Variants in ZCCHC14 observed in about 807,000 individuals in gnomAD.
ZCCHC14 encodes the protein zinc finger CCHC-type containing 14.
Under a neutral mutation model 85.0 loss-of-function variants are expected in ZCCHC14, and 16 were observed. The ratio of observed to expected loss-of-function variants is 0.19; its 90% CI spans 0.13 to 0.29. The LOEUF (loss-of-function observed/expected upper bound fraction) is 0.29. ZCCHC14 is among the 10% of genes least tolerant of loss of function. The pLI is 1.00. For missense variants in ZCCHC14, 1,303 were observed against 1,443.5 expected, an observed-to-expected ratio of 0.90 and a Z score of 1.58; for synonymous variants, 775 against 630.7, an observed-to-expected ratio of 1.23 and a Z score of -3.43.
Position 87,407,687 on chromosome 16 carries a change from A to G in ZCCHC14, c.*2593T>C, listed in dbSNP as rs1162729671. The G allele has an allele frequency of 6.6e-6, 1 of 152,260 alleles. No homozygotes were observed. The allele number at this position is 152,260 out of a possible 1,614,324, so 9.4% of individuals were successfully genotyped here. A position where few individuals can be genotyped will look rare whatever the true frequency, so the allele number is the denominator to read the frequency against. ...CCAGTGCCACACCTACCTGGTTGCC[A>G]CAGCATTCTGAAACAGACCACACTT... On this transcript the variant is annotated 3_prime_UTR_variant, in exon 13 of 13. Coordinates refer to ENST00000671377, the MANE Select transcript of ZCCHC14 (RefSeq NM_015144.3).
intron 8 of ZCCHC14, among the ~76,000 whole-genome samples, chr16:87,415,671 C>T (rs1330841988): frequency 6.6e-6 from 1 of 152,192 alleles, no homozygotes; most frequent in Non-Finnish European, 1.5e-5. Context: ...GCCAAAGGTG[C>T]CCACTTGCCC....
At chr16:87,440,854 A>T (rs1431976390) in intron 2 of ZCCHC14, among the ~76,000 whole-genome samples, 3 of 151,440 alleles carry the variant, frequency 2.0e-5, no homozygotes, top group Non-Finnish European at 2.9e-5. Flanking sequence ...GACTCAAGTG[A>T]TCTGCCTGCC....
intron 1 of ZCCHC14, among the ~76,000 whole-genome samples, chr16:87,461,871 G>A (rs1377296774): frequency 6.6e-6 from 1 of 152,236 alleles, no homozygotes; most frequent in African/African-American, 2.4e-5. Flanking sequence ...CTCCTGGGCT[G>A]TTCATGCAGG....
chr16:87,415,448 T>A, intron 8 of ZCCHC14, 81 bp from the exon 9 acceptor site: 1 of 1,240,560 alleles, frequency 8.1e-7, no homozygotes, highest in Non-Finnish European at 1.2e-6. Context: ...TTGAATTCAG[T>A]ACATTTATTC....
At chr16:87,481,398 T>C (rs1912258712) in intron 1 of ZCCHC14, among the ~76,000 whole-genome samples, 1 of 151,876 alleles carries the variant, frequency 6.6e-6, no homozygotes. Context: ...GCTGGGGCCA[T>C]GCTGGTTTCC....
At chr16:87,485,356 C>G (rs1457612796) in intron 1 of ZCCHC14, among the ~76,000 whole-genome samples, 1 of 152,204 alleles carries the variant, frequency 6.6e-6, no homozygotes, top group East Asian at 1.9e-4. Flanking sequence ...TGGATGATCT[C>G]TTTTTACCTT....
intron 3 of ZCCHC14, among the ~76,000 whole-genome samples, chr16:87,426,202 C>A (rs1403210423): frequency 6.6e-6 from 1 of 152,178 alleles, no homozygotes; most frequent in Non-Finnish European, 1.5e-5. Flanking sequence ...ACCTCACCTG[C>A]CGACTTGCCC....
chr16:87,426,875 T>C (rs1004990034), intron 3 of ZCCHC14, among the ~76,000 whole-genome samples: 3 of 152,294 alleles, frequency 2.0e-5, no homozygotes, highest in African/African-American at 7.2e-5. Context: ...AACAGGATGC[T>C]ATGAAAAAAC....
At chr16:87,466,150 C>T (rs1000491458) in intron 1 of ZCCHC14, among the ~76,000 whole-genome samples, 1 of 140,436 alleles carries the variant, frequency 7.1e-6, no homozygotes, top group Non-Finnish European at 1.5e-5. Context: ...AAGGTTTGTC[C>T]TTAGTTCATG....
At chr16:87,476,909 A>G (rs1450103983) in intron 1 of ZCCHC14, among the ~76,000 whole-genome samples, 3 of 151,836 alleles carry the variant, frequency 2.0e-5, no homozygotes, top group Non-Finnish European at 4.4e-5. Flanking sequence ...GGCAGATCAC[A>G]AGGTAAGGAG....
chr16:87,416,912 G>C (rs1031535156), intron 8 of ZCCHC14, among the ~76,000 whole-genome samples: 5 of 152,158 alleles, frequency 3.3e-5, no homozygotes, highest in African/African-American at 1.2e-4. Flanking sequence ...CCACCAAGCC[G>C]GTTTGCCCAG....
At chr16:87,460,621 C>A (rs1045003685) in intron 1 of ZCCHC14, among the ~76,000 whole-genome samples, 3 of 151,952 alleles carry the variant, frequency 2.0e-5, no homozygotes, top group Non-Finnish European at 2.9e-5. Flanking sequence ...ACCCAGGAGG[C>A]AGGGGCTGCA....
intron 2 of ZCCHC14, among the ~76,000 whole-genome samples, chr16:87,444,370 C>T (rs1049546102): frequency 5.3e-5 from 8 of 152,198 alleles, no homozygotes; most frequent in African/African-American, 1.7e-4. Context: ...GGTACAGCTT[C>T]AACATCAGAG....
intron 2 of ZCCHC14, among the ~76,000 whole-genome samples, chr16:87,447,759 A>G (rs746638011): frequency 6.6e-6 from 1 of 152,242 alleles, no homozygotes; most frequent in African/African-American, 2.4e-5. Context: ...TACATTTATC[A>G]CTTCATAAGA....
At chr16:87,448,822 T>C (rs1317492239) in intron 2 of ZCCHC14, among the ~76,000 whole-genome samples, 1 of 152,232 alleles carries the variant, frequency 6.6e-6, no homozygotes, top group Non-Finnish European at 1.5e-5. Context: ...TACTTTGCAG[T>C]AGTCTGAATT....
intron 2 of ZCCHC14, among the ~76,000 whole-genome samples, chr16:87,449,367 GA>G (rs1241345400): frequency 1.3e-5 from 2 of 152,144 alleles, no homozygotes; most frequent in Non-Finnish European, 2.9e-5. Context: ...GCAGGGAAGA[GA>G]GGGTGAGGGG....
At chr16:87,425,220 G>A (rs761625508) in intron 3 of ZCCHC14, among the ~76,000 whole-genome samples, 23 of 152,272 alleles carry the variant, frequency 1.5e-4, no homozygotes, top group African/African-American at 5.1e-4. Flanking sequence ...AAGCAGCAGC[G>A]TCCCTGGAAC....
At chr16:87,478,552 C>T (rs1245185049) in intron 1 of ZCCHC14, among the ~76,000 whole-genome samples, 1 of 152,104 alleles carries the variant, frequency 6.6e-6, no homozygotes, top group Non-Finnish European at 1.5e-5. Flanking sequence ...ACACACCACA[C>T]AGTGCTTCCC....
intron 2 of ZCCHC14, among the ~76,000 whole-genome samples, chr16:87,455,049 G>T (rs1382469458): frequency 6.6e-6 from 1 of 152,346 alleles, no homozygotes; most frequent in Non-Finnish European, 1.5e-5. Context: ...AGCACTGTGG[G>T]AGGCCGAGGC....
Sources: gnomAD v4.1 joint callset for allele counts (sites outside exome capture counted in the v4.1 genomes callset) on GRCh38, gnomAD v4.1.1 for gene constraint, MANE v1.5 for transcripts, NCBI Gene and HGNC (gene_info 2026-07-23, HGNC 2026-07-21) for gene names.